The following SPATA13 variants were observed in gnomAD, a reference collection of about 807,000 sequenced individuals.
SPATA13 encodes spermatogenesis associated 13, also known as spermatogenesis-associated protein 13.
In SPATA13, 50 loss-of-function variants were observed where a neutral mutation model predicts 104.0. The ratio of observed to expected loss-of-function variants is 0.48; its 90% CI spans 0.38 to 0.61. The LOEUF (loss-of-function observed/expected upper bound fraction) is 0.61, where lower values mean the gene tolerates loss of function less well. Among genes scored for constraint, SPATA13 ranks in the 20% least tolerant of loss-of-function variants. The probability of loss-of-function intolerance (pLI) is 0.00; values close to 1 mark genes in which losing one functional copy is unlikely to be tolerated. For missense variants in SPATA13, 1,524 were observed against 1,690.6 expected (o/e 0.90, Z 1.73); for synonymous variants, 606 against 667.5 (o/e 0.91, Z 1.42).
intron 3 of SPATA13, among the ~76,000 whole-genome samples, chr13:24,071,746 G>A (rs768365451): frequency 6.6e-6 from 1 of 152,246 alleles, no homozygotes; most frequent in Non-Finnish European, 1.5e-5. Context: ...GGCATTTAGT[G>A]AGGAGGAGGC....
chr13:24,114,356 C>CTT (rs1880755925), intron 3 of SPATA13, among the ~76,000 whole-genome samples: 1 of 152,178 alleles, frequency 6.6e-6, no homozygotes, highest in Non-Finnish European at 1.5e-5. Context: ...TCAGTGTGCA[C>CTT]GTGTGTGCCT....
Position 24,284,139 on chromosome 13 carries a change from T to G in SPATA13, c.2169T>G (p.Ser723=). 3 of 1,609,766 alleles carry G rather than the reference T, an allele frequency of 1.9e-6. No individual in the cohort carries two copies. The highest frequency in any genetic ancestry group is 1.7e-6 in the Non-Finnish European group (2 of 1,176,846). Residue 723 remains serine (S), a synonymous_variant, in exon 5 of 13, where the codon TCT becomes TCG. Coordinates refer to ENST00000382108, the MANE Select transcript of SPATA13 (RefSeq NM_001166271.3). ...RRRQMRASNV[S]SDGGTEPSAL... is the part of the protein sequence containing the mutation. ...CCTTTGTTTTGTATGTTTTAGTTTC[T>G]TCAGATGGAGGTACTGAGCCCTCTG...
At chr13:24,289,841 A>G (rs1444315590) in intron 8 of SPATA13, among the ~76,000 whole-genome samples, 2 of 152,246 alleles carry the variant, frequency 1.3e-5, no homozygotes, top group African/African-American at 4.8e-5. Context: ...GGGAACAGTA[A>G]GAGTAATAAT....
At chr13:24,159,131 A>AGT (rs5802266), upstream of SPATA13, among the ~76,000 whole-genome samples, 76 of 151,600 alleles carry the variant, frequency 5.0e-4, 1 homozygote, top group South Asian at 4.2e-3. Context: ...AGACCGTGAT[A>AGT]TTTTTTTTTA....
intron 3 of SPATA13, among the ~76,000 whole-genome samples, chr13:24,125,100 T>C (rs1370980085): frequency 6.6e-6 from 1 of 152,226 alleles, no homozygotes; most frequent in East Asian, 1.9e-4. Flanking sequence ...TTGTTTCCTT[T>C]CTCTCCAACC....
intron 2 of SPATA13, among the ~76,000 whole-genome samples, chr13:24,006,178 C>T (rs1876216998): frequency 6.6e-6 from 1 of 152,100 alleles, no homozygotes; most frequent in Admixed American, 6.5e-5. Flanking sequence ...AAAGCATATC[C>T]GGGAGGGTAT....
intron 4 of SPATA13, among the ~76,000 whole-genome samples, chr13:24,281,278 C>G (rs912975281): frequency 6.6e-6 from 1 of 152,230 alleles, no homozygotes; most frequent in Non-Finnish European, 1.5e-5. Flanking sequence ...TTAGACAGCT[C>G]ACTTTCACTT....
intron 3 of SPATA13, 45 bp from the exon 4 acceptor site, chr13:24,251,673 G>A: frequency 6.2e-7 from 1 of 1,607,072 alleles, no homozygotes; most frequent in Non-Finnish European, 8.5e-7. Flanking sequence ...TGCAAGAGCT[G>A]CCACTTCCTG....
intron 10 of SPATA13, among the ~76,000 whole-genome samples, chr13:24,295,933 G>A (rs1876749891): frequency 6.6e-6 from 1 of 152,120 alleles, no homozygotes; most frequent in Non-Finnish European, 1.5e-5. Flanking sequence ...TCAAACCCAA[G>A]CAGGCACCCT....
intron 2 of SPATA13, among the ~76,000 whole-genome samples, chr13:24,237,107 C>A (rs1350856944): frequency 6.6e-6 from 1 of 152,048 alleles, no homozygotes; most frequent in South Asian, 2.1e-4. Context: ...TCTGTAATCC[C>A]AGCACTTTCT....
At chr13:24,157,017 A>T (rs570270767), upstream of SPATA13, among the ~76,000 whole-genome samples, 4 of 152,314 alleles carry the variant, frequency 2.6e-5, no homozygotes, top group African/African-American at 9.6e-5. Context: ...CTGGAGAATG[A>T]GTGCACAATT....
At chr13:24,240,786 G>C (rs1203426684) in intron 2 of SPATA13, among the ~76,000 whole-genome samples, 1 of 152,162 alleles carries the variant, frequency 6.6e-6, no homozygotes, top group Non-Finnish European at 1.5e-5. Context: ...CAAGGCCATA[G>C]GGTCACCAGC....
chr13:24,261,024 G>A (rs1874038585), intron 4 of SPATA13, among the ~76,000 whole-genome samples: 3 of 152,226 alleles, frequency 2.0e-5, no homozygotes, highest in Admixed American at 2.0e-4. Context: ...ATAGCAGGAT[G>A]CAGAGGAGGA....
At chr13:24,296,587 A>G (rs1332271061) in intron 10 of SPATA13, among the ~76,000 whole-genome samples, 1 of 152,188 alleles carries the variant, frequency 6.6e-6, no homozygotes, top group African/African-American at 2.4e-5. Context: ...CTCAACGCAA[A>G]TAATGTCAGG....
intron 10 of SPATA13, among the ~76,000 whole-genome samples, chr13:24,295,258 T>A (rs1876685087): frequency 6.6e-6 from 1 of 152,228 alleles, no homozygotes; most frequent in South Asian, 2.1e-4. Flanking sequence ...TTAATTTTTT[T>A]ATCTTATAAA....
rs1409000478 is a variant in SPATA13 at position 24,051,681 on chromosome 13, A to T, written c.-112+33980A>T. Among the ~76,000 whole-genome samples the T allele has an allele frequency of 6.6e-6, 1 of 152,100 alleles. No individual in the cohort carries two copies. Among genetic ancestry groups the T allele is most frequent in the Non-Finnish European group, 1.5e-5 (1 of 68,026 alleles). ...AGGGGCAAGGGGAAGCTGAGAAGAGATTACACAGAGGAGATGATATGAGGC... is the reference window on the plus strand; with the variant it reads ...AGGGGCAAGGGGAAGCTGAGAAGAGTTTACACAGAGGAGATGATATGAGGC... On this transcript the variant is annotated intron_variant, in intron 3 of 14. Transcript: ENST00000424834. This position sits in a 1 kb window ranked among gnomAD's most constrained non-coding sequence, Gnocchi z 4.2.
At chr13:24,141,539 A>G (rs1271560175) in intron 3 of SPATA13, among the ~76,000 whole-genome samples, 1 of 152,182 alleles carries the variant, frequency 6.6e-6, no homozygotes. Flanking sequence ...CTGTGATCCC[A>G]AAACCTTCTG....
In SPATA13 at chr13:24,006,836, G is replaced by A. The variant is rs530793503; in HGVS notation, c.-146-10831G>A. 1.9e-4 allele frequency among the ~76,000 whole-genome samples: 29 copies of A among 152,310 alleles called. No homozygotes were observed. The East Asian group carries it at 2.3e-3, about 12-fold the overall frequency. On this transcript the variant is annotated intron_variant, in intron 2 of 14. Transcript: ENST00000424834. ...TGTTCTGGGATTTTACTCTAAGAGC[G>A]CAGGGAAGCCACGTCGATGGTGTAG...
chr13:24,297,601 A>G lies in SPATA13; in HGVS notation c.3449A>G (p.Lys1150Arg), dbSNP rs2138768459. 1.2e-6 allele frequency: 2 copies of G among 1,614,224 alleles called. No homozygotes were observed. Among genetic ancestry groups the G allele is most frequent in the South Asian group, 2.2e-5 (2 of 91,088 alleles). Residue 1150 changes from lysine (K) to arginine (R), a missense_variant, in exon 11 of 13, where the codon AAA (lysine) becomes AGA (arginine). Coordinates refer to ENST00000382108, the MANE Select transcript of SPATA13 (RefSeq NM_001166271.3). ...GACAAGGACTGCAACCTCAGCGTGA[A>G]AAATGCCTTCAAGCTCGTCAGTAGG... The part of the protein sequence containing the change: ...GRDKDCNLSV[K>R]NAFKLVSRTT...
Sources: gnomAD v4.1 joint callset for allele counts (sites outside exome capture counted in the v4.1 genomes callset) on GRCh38, gnomAD v4.1.1 for gene constraint, Gnocchi (gnomAD v3.1) non-coding constraint, MANE v1.5 for transcripts, NCBI Gene and HGNC (gene_info 2026-07-23, HGNC 2026-07-21) for gene names.